The following ATG13 variants were observed in gnomAD, a reference collection of about 807,000 sequenced individuals.
ATG13 encodes the protein autophagy-related protein 13.
ATG13 carries 23 observed loss-of-function variants against 65.5 expected under a neutral mutation model. That is an observed-to-expected ratio of 0.35 (90% confidence interval 0.25 to 0.50). The LOEUF (loss-of-function observed/expected upper bound fraction) is 0.50. Ranked by LOEUF, ATG13 falls within the 20% of genes least tolerant of loss-of-function variation. The probability of loss-of-function intolerance (pLI) is 0.98; values close to 1 mark genes in which losing one functional copy is unlikely to be tolerated. For synonymous variants in ATG13, 252 were observed against 245.2 expected, an observed-to-expected ratio of 1.03 and a Z score of -0.26; for missense variants, 566 against 677.0, an observed-to-expected ratio of 0.84 and a Z score of 1.82.
chr11:46,624,167 G>A (rs1240504895), intron 1 of ATG13, among the ~76,000 whole-genome samples: 1 of 151,794 alleles, frequency 6.6e-6, no homozygotes, highest in East Asian at 1.9e-4. Flanking sequence ...ACCACACCTG[G>A]CTCATTTTTG....
At chr11:46,632,719 C>G (rs1001952980) in intron 2 of ATG13, among the ~76,000 whole-genome samples, 1 of 151,988 alleles carries the variant, frequency 6.6e-6, no homozygotes, top group Non-Finnish European at 1.5e-5. Flanking sequence ...AACCACTTGC[C>G]CCTGTGGTAG....
chr11:46,664,234 A>G, intron 12 of ATG13, 139 bp downstream of exon 12: 1 of 681,632 alleles, frequency 1.5e-6, no homozygotes, highest in South Asian at 2.1e-5. Context: ...AATAGATTTT[A>G]ATAGGACACA....
At chr11:46,668,641 A>G in intron 16 of ATG13, 65 bp downstream of exon 16, 1 of 1,559,096 alleles carries the variant, frequency 6.4e-7, no homozygotes, top group Non-Finnish European at 8.8e-7. Flanking sequence ...TTCCTGAGCC[A>G]GAGTCACTAA....
At chr11:46,663,463 T>A (rs2061607556) in intron 11 of ATG13, among the ~76,000 whole-genome samples, 1 of 152,082 alleles carries the variant, frequency 6.6e-6, no homozygotes, top group African/African-American at 2.4e-5. Context: ...TTGTCTTCCC[T>A]GGAATGACGT....
At chr11:46,664,160 T>G in intron 12 of ATG13, 65 bp downstream of exon 12, 2 of 1,230,364 alleles carry the variant, frequency 1.6e-6, no homozygotes, top group Non-Finnish European at 2.3e-6. Flanking sequence ...AAATTGTAAA[T>G]AAATTATAAG....
chr11:46,655,771 C>G (rs1044314251), intron 7 of ATG13, among the ~76,000 whole-genome samples: 4 of 152,174 alleles, frequency 2.6e-5, no homozygotes, highest in African/African-American at 9.7e-5. Flanking sequence ...AGCGTCTCAT[C>G]CTTTTGCCCA....
intron 5 of ATG13, among the ~76,000 whole-genome samples, chr11:46,648,504 C>T (rs2058200442): frequency 6.6e-6 from 1 of 151,942 alleles, no homozygotes; most frequent in Non-Finnish European, 1.5e-5. Context: ...CTTGGCCGGG[C>T]GCAGTGGCTT....
At chr11:46,634,165 A>G (rs568919024) in intron 2 of ATG13, among the ~76,000 whole-genome samples, 1 of 151,068 alleles carries the variant, frequency 6.6e-6, no homozygotes, top group Non-Finnish European at 1.5e-5. Flanking sequence ...GCACGATCTC[A>G]GCTCACTGCA....
intron 6 of ATG13, among the ~76,000 whole-genome samples, chr11:46,649,545 G>C (rs951344870): frequency 2.0e-5 from 3 of 152,208 alleles, no homozygotes; most frequent in African/African-American, 7.2e-5. Context: ...CATCCAATAA[G>C]ATTTCCCCTC....
At chr11:46,634,868 A>T (rs1316848418) in intron 2 of ATG13, among the ~76,000 whole-genome samples, 3 of 150,442 alleles carry the variant, frequency 2.0e-5, no homozygotes, top group Non-Finnish European at 3.0e-5. Flanking sequence ...CACCCAGCTA[A>T]TTTTTTGTAT....
chr11:46,647,642 G>A (rs1782952156), intron 5 of ATG13, among the ~76,000 whole-genome samples: 1 of 150,970 alleles, frequency 6.6e-6, no homozygotes, highest in South Asian at 2.1e-4. Flanking sequence ...CGCAGTCATG[G>A]CTCACTGCAG....
At chr11:46,661,014 T>C (rs1437755515) in intron 11 of ATG13, among the ~76,000 whole-genome samples, 1 of 151,870 alleles carries the variant, frequency 6.6e-6, no homozygotes, top group African/African-American at 2.4e-5. Context: ...CCAGCCCTTC[T>C]GTGTTTTTTG....
At chr11:46,656,303 G>A in intron 8 of ATG13, 30 bp downstream of exon 8, 1 of 1,595,960 alleles carries the variant, frequency 6.3e-7, no homozygotes, top group Non-Finnish European at 8.6e-7. Flanking sequence ...AAACATCGTA[G>A]TGTTCAGAGC....
Position 46,634,347 on chromosome 11 carries a change from C to G in ATG13, c.-14+4247C>G, listed in dbSNP as rs371051296. Reference sequence around the variant, plus strand: ...TCTCCTGATCTTGTGATCCACCGGCCTCGGCCTCCCAAAGTGCTGGGATTG... The same window carrying G: ...TCTCCTGATCTTGTGATCCACCGGCGTCGGCCTCCCAAAGTGCTGGGATTG... On this transcript the variant is annotated intron_variant, in intron 2 of 18. Coordinates refer to ENST00000683050, the MANE Select transcript of ATG13 (RefSeq NM_001346311.2). Among the ~76,000 whole-genome samples, 15 of 151,976 alleles carry G rather than the reference C, an allele frequency of 9.9e-5. No individual in the cohort carries two copies. The East Asian group carries it at 1.5e-3, about 16-fold the overall frequency.
At position 46,672,450 on chromosome 11, in the gene ATG13, G is replaced by T; in HGVS notation, c.*118G>T. On this transcript the variant is annotated 3_prime_UTR_variant, in exon 19 of 19. Coordinates refer to ENST00000683050, the MANE Select transcript of ATG13 (RefSeq NM_001346311.2). ...TCTGAGCCAGGTGGAAGGGAGGCTG[G>T]CTTCTCCCATGGGGACCCAGAAGTC... The T allele has an allele frequency of 6.3e-7, 1 of 1,577,510 alleles. No homozygotes were observed.
Position 46,672,820 on chromosome 11 carries a change from C to T in ATG13, c.*488C>T. On this transcript the variant is annotated 3_prime_UTR_variant, in exon 19 of 19. Coordinates refer to ENST00000683050, the MANE Select transcript of ATG13 (RefSeq NM_001346311.2). ...GGAAGAAGGAAGGAGTCCCTTAGCT[C>T]TCTTCATTGTCCCCTTTACTTCCTG... The T allele has an allele frequency of 7.8e-7, 1 of 1,284,258 alleles. No individual in the cohort carries two copies. 79.6% of individuals were successfully genotyped at this position (1,284,258 alleles called of 1,614,324 possible). A position where few individuals can be genotyped will look rare whatever the true frequency, so the allele number is the denominator to read the frequency against.
At chr11:46,667,926 G>T (rs745557907) in intron 15 of ATG13, 39 bp downstream of exon 15, 1 of 1,517,874 alleles carries the variant, frequency 6.6e-7, no homozygotes, top group South Asian at 1.1e-5. Context: ...GAATGTCTGA[G>T]TTCTTAGAGT....
At chr11:46,623,770 CA>C (rs1184974426) in intron 1 of ATG13, among the ~76,000 whole-genome samples, 3 of 151,920 alleles carry the variant, frequency 2.0e-5, no homozygotes, top group African/African-American at 7.3e-5. Flanking sequence ...TTTTTTAATT[CA>C]AATCTACAGA....
chr11:46,669,503 A>G lies in ATG13; in HGVS notation c.1546A>G (p.Ile516Val). ...TCAGCTGAGCAGCCTCTCCATAGAT[A>G]TTGGAGCACAGTCCATGGCTGAAGA... ...PPQLSSLSID[I>V]GAQSMAEDLD... The change falls in exon 18 of 19, where the codon ATT (isoleucine) becomes GTT (valine). Residue 516 changes from isoleucine to valine, a missense_variant. Around this residue, in one of 2 missense-constraint regions of ATG13, gnomAD observed 387 missense variants for 409.8 expected, o/e 0.94. Coordinates refer to ENST00000683050, the MANE Select transcript of ATG13 (RefSeq NM_001346311.2). 6.2e-7 allele frequency: 1 copy of G among 1,614,108 alleles called. No individual in the cohort carries two copies. The highest frequency in any genetic ancestry group is 8.5e-7 in the Non-Finnish European group (1 of 1,179,966).
Sources: gnomAD v4.1 joint callset for allele counts (sites outside exome capture counted in the v4.1 genomes callset) on GRCh38, gnomAD v4.1.1 for gene constraint, gnomAD v4.1.1 regional missense constraint, MANE v1.5 for transcripts, NCBI Gene and HGNC (gene_info 2026-07-23, HGNC 2026-07-21) for gene names.